Variants in TRIM37 observed in about 807,000 individuals in gnomAD.
The protein encoded by TRIM37 is E3 ubiquitin-protein ligase TRIM37.
In TRIM37, 80 loss-of-function variants were observed where a neutral mutation model predicts 129.8. That is an observed-to-expected ratio of 0.62 (90% CI 0.51 to 0.74). TRIM37 has a LOEUF of 0.74. Among genes scored for constraint, TRIM37 ranks in the 30% least tolerant of loss-of-function variants. The pLI, the probability that TRIM37 is intolerant of heterozygous loss-of-function variation, is 0.00. For missense variants in TRIM37, 1,054 were observed against 1,176.5 expected (o/e 0.90, Z 1.52); for synonymous variants, 389 against 387.1 (o/e 1.00, Z -0.06).
intron 17 of TRIM37, among the ~76,000 whole-genome samples, chr17:59,032,531 CAAAAAAAAAAA>C (rs35442859): frequency 8.8e-4 from 75 of 84,788 alleles, no homozygotes; most frequent in Non-Finnish European, 1.4e-3. Flanking sequence ...GACTCCGTCT[CAAAAAAAAAAA>C]AAAAAAAAAA....
At chr17:59,098,240 T>C (rs1376901542) in intron 2 of TRIM37, among the ~76,000 whole-genome samples, 2 of 152,194 alleles carry the variant, frequency 1.3e-5, no homozygotes, top group Non-Finnish European at 2.9e-5. Flanking sequence ...ATAATGAGAA[T>C]TTATTGTTTA....
intron 24 of TRIM37, among the ~76,000 whole-genome samples, chr17:58,989,838 G>A (rs2032184788): frequency 1.3e-5 from 2 of 152,108 alleles, no homozygotes; most frequent in African/African-American, 4.8e-5. Context: ...TAATGGCTTA[G>A]AGTTTTCCAA....
intron 4 of TRIM37, among the ~76,000 whole-genome samples, chr17:59,085,333 A>G (rs2147149094): frequency 6.6e-6 from 1 of 152,276 alleles, no homozygotes; most frequent in East Asian, 1.9e-4. Flanking sequence ...CCTCAAAAAA[A>G]AAAGAAAAGA....
downstream of TRIM37, among the ~76,000 whole-genome samples, chr17:58,994,208 G>C (rs768016314): frequency 1.3e-5 from 2 of 152,148 alleles, no homozygotes; most frequent in Non-Finnish European, 2.9e-5. Flanking sequence ...CACAGTCATA[G>C]TGACACACAC....
intron 22 of TRIM37, among the ~76,000 whole-genome samples, chr17:59,006,902 A>C (rs1028264915): frequency 2.6e-5 from 4 of 151,712 alleles, no homozygotes; most frequent in African/African-American, 9.7e-5. Flanking sequence ...AAAATAAATA[A>C]ATAAATAAAT....
chr17:59,065,956 G>C (rs373665810), intron 9 of TRIM37, among the ~76,000 whole-genome samples: 5 of 152,292 alleles, frequency 3.3e-5, no homozygotes, highest in African/African-American at 1.2e-4. Context: ...TATCCAAATT[G>C]ACTATGTCAA....
chr17:59,101,226 C>A (rs1957546033), intron 2 of TRIM37, among the ~76,000 whole-genome samples: 3 of 152,092 alleles, frequency 2.0e-5, no homozygotes, highest in African/African-American at 7.2e-5. Context: ...AGAACCAGAT[C>A]TGGATGGTCT....
At chr17:58,994,877 G>A (rs1327195213), downstream of TRIM37, among the ~76,000 whole-genome samples, 1 of 151,776 alleles carries the variant, frequency 6.6e-6, no homozygotes, top group Admixed American at 6.6e-5. Context: ...AGCCTCCTGA[G>A]TAGCTGGGAT....
Position 59,028,742 on chromosome 17 carries a change from G to T in TRIM37, c.1949-19C>A. 1 of 1,613,314 alleles carries T rather than the reference G, an allele frequency of 6.2e-7. No individual in the cohort carries two copies. The highest frequency in any genetic ancestry group is 8.5e-7 in the Non-Finnish European group (1 of 1,179,368). On this transcript the variant is annotated intron_variant, in intron 18 of 23. Transcript: ENST00000262294. Reference sequence around the variant, plus strand: ...TATGATGCTTCAGAGAAATTGACAAGTCATGTTAACATAAACGTTAATATT... The same window carrying T: ...TATGATGCTTCAGAGAAATTGACAATTCATGTTAACATAAACGTTAATATT...
At chr17:59,092,015 A>C (rs1231999543) in intron 2 of TRIM37, among the ~76,000 whole-genome samples, 1 of 152,128 alleles carries the variant, frequency 6.6e-6, no homozygotes, top group Admixed American at 6.6e-5. Context: ...AAAGGAAGCT[A>C]ATTCTGAGTT....
intron 24 of TRIM37, among the ~76,000 whole-genome samples, chr17:58,992,027 G>A (rs1415157462): frequency 6.6e-6 from 1 of 151,924 alleles, no homozygotes; most frequent in Admixed American, 6.6e-5. Flanking sequence ...CTTCTGATCA[G>A]CTGATTACAA....
rs1045612852 is a variant in TRIM37, at chr17:58,998,493, G to C, written c.*884C>G. 8.1e-6 allele frequency: 8 copies of C among 985,256 alleles called. No homozygotes were observed. The highest frequency in any genetic ancestry group is 7.0e-5 in the African/African-American group (4 of 57,226). 61.0% of individuals were successfully genotyped at this position (985,256 alleles called of 1,614,324 possible). On this transcript the variant is annotated 3_prime_UTR_variant, in exon 24 of 24. Coordinates refer to ENST00000262294, the MANE Select transcript of TRIM37 (RefSeq NM_015294.6). ...TTTTGGGCTAATTATGAGTATGAAA[G>C]AAAACCTTATATCACAGTTTCACGT...
At chr17:59,086,125 C>A (rs935584746) in intron 4 of TRIM37, among the ~76,000 whole-genome samples, 1 of 151,942 alleles carries the variant, frequency 6.6e-6, no homozygotes, top group Non-Finnish European at 1.5e-5. Flanking sequence ...ACATGCTTAA[C>A]ATAACTGAAC....
At position 58,998,780 on chromosome 17, in the gene TRIM37, C is replaced by A; in HGVS notation, c.*597G>T. The A allele has an allele frequency of 1.0e-6, 1 of 986,276 alleles. No homozygotes were observed. Among genetic ancestry groups the A allele is most frequent in the Non-Finnish European group, 1.2e-6 (1 of 830,540 alleles). 61.1% of individuals were successfully genotyped at this position (986,276 alleles called of 1,614,324 possible). A position where few individuals can be genotyped will look rare whatever the true frequency, so the allele number is the denominator to read the frequency against. On this transcript the variant is annotated 3_prime_UTR_variant, in exon 24 of 24. Transcript: ENST00000262294. ...AGTCACACAACAGAAAGATACCATG[C>A]GGTTGAACAGTGTGCCTGTACTTGA... is the stretch of plus-strand genomic sequence containing the variant.
rs552407050 is a variant in TRIM37 at position 59,018,671 on chromosome 17, C to G, written c.2258-1247G>C. ...TTAATACTGTTAACAAAGCAATATTCTTAAAATTGATCTACCGATTCAACA... is the reference window on the plus strand; with the variant it reads ...TTAATACTGTTAACAAAGCAATATTGTTAAAATTGATCTACCGATTCAACA... On this transcript the variant is annotated intron_variant, in intron 19 of 23. Coordinates refer to ENST00000262294, the MANE Select transcript of TRIM37 (RefSeq NM_015294.6). Among the ~76,000 whole-genome samples, 4 of 150,638 alleles carry G rather than the reference C, an allele frequency of 2.7e-5. No individual in the cohort carries two copies. The South Asian group carries it at 8.4e-4, about 32-fold the overall frequency.
At chr17:59,020,230 C>CAAAAAAAAAAAAAAAAAAA (rs58159558) in intron 19 of TRIM37, among the ~76,000 whole-genome samples, 1 of 32,056 alleles carries the variant, frequency 3.1e-5, no homozygotes. Context: ...GACTCTGTCT[C>CAAAAAAAAAAAAAAAAAAA]AAAAAAAAAA....
At chr17:59,033,123 G>A (rs925764114) in intron 17 of TRIM37, among the ~76,000 whole-genome samples, 1 of 152,014 alleles carries the variant, frequency 6.6e-6, no homozygotes, top group African/African-American at 2.4e-5. Flanking sequence ...ATTTTAAAGA[G>A]ATAGAACATT....
chr17:59,029,479 C>A (rs1359960037), intron 18 of TRIM37, among the ~76,000 whole-genome samples: 1 of 152,160 alleles, frequency 6.6e-6, no homozygotes, highest in Non-Finnish European at 1.5e-5. Context: ...ACCTTAAAAT[C>A]TGGTTCAACT....
the TRIM37 span, chr17:58,969,663 C>T: frequency 1.2e-6 from 2 of 1,614,166 alleles, no homozygotes; most frequent in Non-Finnish European, 1.7e-6. Flanking sequence ...CATGATCCTG[C>T]TGAGGCCCTG....
Sources: gnomAD v4.1 joint callset for allele counts (sites outside exome capture counted in the v4.1 genomes callset) on GRCh38, gnomAD v4.1.1 for gene constraint, MANE v1.5 for transcripts, NCBI Gene and HGNC (gene_info 2026-07-23, HGNC 2026-07-21) for gene names.